Variants in DOCK1 observed in about 807,000 individuals in gnomAD.
DOCK1 encodes dedicator of cytokinesis protein 1.
Under a neutral mutation model 262.7 loss-of-function variants are expected in DOCK1, and 138 were observed. The observed-to-expected ratio is 0.53, with a 90% confidence interval of 0.46 to 0.61. DOCK1 has a LOEUF of 0.61. Among genes scored for constraint, DOCK1 ranks in the 20% least tolerant of loss-of-function variants. The probability of loss-of-function intolerance (pLI) is 0.00; values close to 1 mark genes in which losing one functional copy is unlikely to be tolerated. For synonymous variants in DOCK1, 866 were observed against 867.4 expected (o/e 1.00, Z 0.03); for missense variants, 1,908 against 2,370.7 (o/e 0.80, Z 4.05).
intron 31 of DOCK1, among the ~76,000 whole-genome samples, chr10:127,347,867 C>G: frequency 1.3e-5 from 1 of 76,906 alleles, no homozygotes; most frequent in Admixed American, 1.2e-4. Context: ...CCCTTCCCTT[C>G]CCTTCCCTTC....
At chr10:126,929,061 G>A (rs2033988150) in intron 1 of DOCK1, among the ~76,000 whole-genome samples, 3 of 152,336 alleles carry the variant, frequency 2.0e-5, no homozygotes, top group African/African-American at 4.8e-5. Context: ...GCTTCCAGCC[G>A]TGTTTAGATC....
intron 29 of DOCK1, among the ~76,000 whole-genome samples, chr10:127,269,876 G>A (rs781444600): frequency 1.1e-4 from 16 of 152,248 alleles, no homozygotes; most frequent in Non-Finnish European, 7.3e-5. Context: ...GGGAAGCCCC[G>A]TTGGCATAAC....
chr10:127,361,654 C>A (rs1030867217), intron 32 of DOCK1, among the ~76,000 whole-genome samples: 1 of 152,140 alleles, frequency 6.6e-6, no homozygotes, highest in Non-Finnish European at 1.5e-5. Context: ...TCTCATTTGT[C>A]GGCTCCTGTT....
intron 31 of DOCK1, among the ~76,000 whole-genome samples, chr10:127,345,699 T>G (rs10764975): frequency 0.064 from 9,675 of 152,130 alleles, 730 homozygotes; most frequent in African/African-American, 0.19. Context: ...CCCACCACCT[T>G]GGGGCCTGCA....
intron 29 of DOCK1, among the ~76,000 whole-genome samples, chr10:127,269,406 T>TA (rs954994447): frequency 2.0e-5 from 3 of 152,192 alleles, no homozygotes; most frequent in Non-Finnish European, 4.4e-5. Flanking sequence ...AATTACATTA[T>TA]AAAAAAATAC....
At chr10:127,363,792 G>A (rs1158317951) in intron 33 of DOCK1, among the ~76,000 whole-genome samples, 1 of 152,130 alleles carries the variant, frequency 6.6e-6, no homozygotes, top group African/African-American at 2.4e-5. Flanking sequence ...AGAGAGATAC[G>A]AAACCAAAAC....
chr10:127,163,417 TG>T (rs1250580893), intron 27 of DOCK1, among the ~76,000 whole-genome samples: 1 of 152,096 alleles, frequency 6.6e-6, no homozygotes. Flanking sequence ...GTCAACACAA[TG>T]TGGGCAGAGG....
At position 127,409,269 on chromosome 10, in the gene DOCK1, T is replaced by C. The variant is rs369256392; in HGVS notation, c.4265-44T>C. 121 of 1,613,048 alleles carry C rather than the reference T, an allele frequency of 7.5e-5. 1 individual carries two copies. In the African/African-American group the frequency reaches 1.4e-3, roughly 18 times the overall value. ...TGTGGTGGGGGGCCTCTCTCATGGT[T>C]GATGTCTATGCTGCCTTAGTGATCC... On this transcript the variant is annotated intron_variant, in intron 41 of 51. Coordinates refer to ENST00000623213, the MANE Select transcript of DOCK1 (RefSeq NM_001290223.2).
At chr10:127,002,709 A>G (rs1488002661) in intron 10 of DOCK1, among the ~76,000 whole-genome samples, 1 of 152,128 alleles carries the variant, frequency 6.6e-6, no homozygotes, top group Non-Finnish European at 1.5e-5. Flanking sequence ...CTGAGACACT[A>G]CATCTGGTCC....
chr10:127,008,752 A>G lies in DOCK1; in HGVS notation c.1006A>G (p.Ile336Val). 1 of 1,597,410 alleles carries G rather than the reference A, an allele frequency of 6.3e-7. No individual in the cohort carries two copies. The highest frequency in any genetic ancestry group is 8.5e-7 in the Non-Finnish European group (1 of 1,171,234). Reference sequence around the variant, plus strand: ...TCCAGTGATGGATGTAACAGATATAATAAATGGAAAAGTAGATGATGAAGA... The same window carrying G: ...TCCAGTGATGGATGTAACAGATATAGTAAATGGAAAAGTAGATGATGAAGA... The part of the protein sequence containing the change: ...GVAVMDVTDI[I>V]NGKVDDEDKQ... Residue 336 changes from isoleucine (I) to valine (V), a missense_variant, in exon 11 of 52, where the codon ATA becomes GTA. By Grantham distance (29) the Ile-to-Val change is conservative (BLOSUM62 3). Around this residue, in one of 9 missense-constraint regions of DOCK1, gnomAD observed 102 missense variants for 154.9 expected, o/e 0.66. Transcript: ENST00000623213.
At chr10:127,110,065 A>C (rs1294702686) in intron 24 of DOCK1, among the ~76,000 whole-genome samples, 183 bp from the exon 25 acceptor site, 1 of 152,138 alleles carries the variant, frequency 6.6e-6, no homozygotes, top group East Asian at 1.9e-4. Context: ...GTGAAGTGAA[A>C]ACGAACACTT....
chr10:127,275,627 G>C (rs146679525), intron 29 of DOCK1, among the ~76,000 whole-genome samples: 96 of 152,252 alleles, frequency 6.3e-4, no homozygotes, highest in African/African-American at 2.3e-3. Flanking sequence ...TGGGATGGAG[G>C]AGGTTCATGA....
At position 127,042,861 on chromosome 10, in the gene DOCK1, AT is replaced by A. The variant is rs924905880; in HGVS notation, c.2100+155del. 2.3e-5 allele frequency: 22 copies of A among 939,020 alleles called. No homozygotes were observed. In the African/African-American group the frequency reaches 2.6e-4, roughly 11 times the overall value. 58.2% of individuals were successfully genotyped at this position (939,020 alleles called of 1,614,324 possible). A position where few individuals can be genotyped will look rare whatever the true frequency, so the allele number is the denominator to read the frequency against. On this transcript the variant is annotated intron_variant, in intron 20 of 51. Transcript: ENST00000623213. ...AATCAGAGATGAATTGGGGTGGCAG[AT>A]TTTTTTTCTCTTTTTTTTAAATGTA...
rs1347229435 is a variant in DOCK1 at position 126,928,668 on chromosome 10, G to C, written c.46+23105G>C. 4.8e-4 allele frequency among the ~76,000 whole-genome samples: 71 copies of C among 149,292 alleles called. 4 individuals are homozygous for C. Among genetic ancestry groups the C allele is most frequent in the African/African-American group, 1.7e-3 (66 of 38,758 alleles). On this transcript the variant is annotated intron_variant, in intron 1 of 51. Transcript: ENST00000623213. ...AGGGTGGGCCTTTAATCCAATATGC[G>C]TGATGTCCTTGTTAAGAAGAGGAGG... is the stretch of plus-strand genomic sequence containing the variant.
intron 23 of DOCK1, among the ~76,000 whole-genome samples, chr10:127,084,416 C>G (rs1186909454): frequency 4.6e-5 from 7 of 152,170 alleles, no homozygotes; most frequent in Non-Finnish European, 8.8e-5. Context: ...GGCTTGGGAG[C>G]AATACTGGGG....
rs142957481 is a variant in DOCK1, at chr10:127,172,026, T to C, written c.2847+44262T>C. The stretch of plus-strand genomic sequence containing the variant: ...GGCCTCCACTGATATTTTAACTTGG[T>C]CATTTGAGTTCATTGTCGTATCATA... On this transcript the variant is annotated intron_variant, in intron 27 of 51. Transcript: ENST00000623213. Among the ~76,000 whole-genome samples, 438 of 152,332 alleles carry C rather than the reference T, an allele frequency of 2.9e-3. 2 individuals carry two copies. The highest frequency in any genetic ancestry group is 5.1e-3 in the Non-Finnish European group (347 of 68,034).
At position 127,142,779 on chromosome 10, in the gene DOCK1, G is replaced by T. The variant is rs144008497; in HGVS notation, c.2847+15015G>T. On this transcript the variant is annotated intron_variant, in intron 27 of 51. Coordinates refer to ENST00000623213, the MANE Select transcript of DOCK1 (RefSeq NM_001290223.2). ...TGTGCCCTGGGGCTGTGTCGCCCTC[G>T]CTGTGCTCTTGGCAAGTCCCTGTGA... Among the ~76,000 whole-genome samples the T allele has an allele frequency of 1.5e-3, 226 of 152,290 alleles. 1 individual carries two copies. The highest frequency in any genetic ancestry group is 0.014 in the Middle Eastern group (4 of 294).
chr10:127,284,232 A>AT (rs1272243295), intron 29 of DOCK1, among the ~76,000 whole-genome samples: 8 of 151,704 alleles, frequency 5.3e-5, no homozygotes, highest in African/African-American at 9.7e-5. Context: ...ATTTCCAGTT[A>AT]TTTTTTCTGT....
At chr10:127,307,341 C>CT (rs1474073429) in intron 29 of DOCK1, among the ~76,000 whole-genome samples, 1 of 152,156 alleles carries the variant, frequency 6.6e-6, no homozygotes, top group Non-Finnish European at 1.5e-5. Context: ...AGGTTCTGCA[C>CT]TTTTTCTGTG....
Sources: gnomAD v4.1 joint callset for allele counts (sites outside exome capture counted in the v4.1 genomes callset) on GRCh38, gnomAD v4.1.1 for gene constraint, gnomAD v4.1.1 regional missense constraint, MANE v1.5 for transcripts, NCBI Gene and HGNC (gene_info 2026-07-23, HGNC 2026-07-21) for gene names.